Variants in USP26 observed in about 807,000 individuals in gnomAD.
USP26 encodes the protein ubiquitin specific peptidase 26, also known as ubiquitin carboxyl-terminal hydrolase 26.
For synonymous variants in USP26, 236 were observed against 240.6 expected (o/e 0.98, Z 0.18); for missense variants, 649 against 642.3 (o/e 1.01, Z -0.11).
intron 5 of USP26, among the ~76,000 whole-genome samples, chrX:133,036,113 T>TA (rs1226652607): frequency 6.7e-5 from 6 of 89,157 alleles, no homozygotes; most frequent in Non-Finnish European, 1.5e-4. Flanking sequence ...CAAGACCCTC[T>TA]AAAAAAAATT....
At chrX:133,059,951 G>C (rs1466594264) in intron 5 of USP26, among the ~76,000 whole-genome samples, 1 of 112,148 alleles carries the variant, frequency 8.9e-6, no homozygotes, top group Non-Finnish European at 1.9e-5. Context: ...CTATGGTTCT[G>C]CTCTGTTGAA....
chrX:133,030,096 T>C (rs2067370834), intron 5 of USP26, among the ~76,000 whole-genome samples: 1 of 112,048 alleles, frequency 8.9e-6, no homozygotes, highest in Admixed American at 9.5e-5. Flanking sequence ...AACTTCAGCA[T>C]TCCTCCTCCT....
At chrX:133,051,199 G>A (rs2067457828) in intron 5 of USP26, among the ~76,000 whole-genome samples, 1 of 111,407 alleles carries the variant, frequency 9.0e-6, no homozygotes, top group Non-Finnish European at 1.9e-5. Flanking sequence ...TTGTTGGCCT[G>A]ATAAAGACAG....
At position 133,028,242 on chromosome X, in the gene USP26, T is replaced by C; in HGVS notation, c.-22A>G. The C allele has an allele frequency of 8.3e-7, 1 of 1,208,400 alleles. No homozygotes were observed. Among genetic ancestry groups the C allele is most frequent in the Non-Finnish European group, 1.1e-6 (1 of 892,793 alleles). ...CCATGTTTTCTTTACAAATAAAATA[T>C]ACGTATCTCCGATTATTGATAATCT... On this transcript the variant is annotated 5_prime_UTR_variant, in exon 6 of 6. Coordinates refer to ENST00000511190, the MANE Select transcript of USP26 (RefSeq NM_031907.3).
At chrX:133,059,274 T>C (rs764841398) in intron 5 of USP26, among the ~76,000 whole-genome samples, 5 of 111,668 alleles carry the variant, frequency 4.5e-5, no homozygotes, top group African/African-American at 1.6e-4. Flanking sequence ...TCAATCATTT[T>C]ATTGTAACAG....
intron 5 of USP26, among the ~76,000 whole-genome samples, chrX:133,053,266 G>T (rs766046366): frequency 5.7e-4 from 64 of 112,020 alleles, no homozygotes; most frequent in Non-Finnish European, 9.0e-4. Context: ...GGGCTGGCGT[G>T]GTTGCTCACA....
chrX:133,026,077 T>C lies in USP26; in HGVS notation c.2144A>G (p.Asn715Ser). The C allele has an allele frequency of 8.3e-7, 1 of 1,210,722 alleles. No homozygotes were observed. The highest frequency in any genetic ancestry group is 3.0e-5 in the East Asian group (1 of 33,788). The change falls in exon 6 of 6, where the codon AAT becomes AGT. Residue 715 changes from asparagine (N) to serine (S), a missense_variant. Asn to Ser is a conservative substitution (Grantham distance 46). Transcript: ENST00000511190. ...SKFVAFDRII[N>S]PTKDLYEDKN... is the part of the protein sequence containing the mutation. The stretch of plus-strand genomic sequence containing the variant: ...ATCTTCATACAAATCTTTAGTAGGA[T>C]TGATAATCCTATCAAAAGCTACAAA...
chrX:133,082,443 G>A (rs372572430), intron 5 of USP26, among the ~76,000 whole-genome samples: 6 of 111,704 alleles, frequency 5.4e-5, no homozygotes, highest in East Asian at 2.8e-4. Context: ...TTTTCTGAGC[G>A]GTTTTCAGTA....
intron 5 of USP26, among the ~76,000 whole-genome samples, chrX:133,078,260 G>A (rs1602988057): frequency 9.0e-6 from 1 of 111,379 alleles, no homozygotes; most frequent in Admixed American, 9.6e-5. Context: ...AGAACTCTGA[G>A]TGCAAATAAG....
intron 5 of USP26, among the ~76,000 whole-genome samples, chrX:133,053,559 A>G (rs2067466647): frequency 9.1e-6 from 1 of 110,459 alleles, no homozygotes; most frequent in Admixed American, 9.7e-5. Context: ...AAAAAGGAAA[A>G]AAAAAGTATA....
chrX:133,028,039 A>G lies in USP26; in HGVS notation c.182T>C (p.Leu61Pro). 8.3e-7 allele frequency: 1 copy of G among 1,210,780 alleles called. No individual in the cohort carries two copies. The highest frequency in any genetic ancestry group is 1.7e-5 in the African/African-American group (1 of 57,812). ...RLSDNIQNVV[L>P]KSYRGNQNHL... ...ATTTTGGTTTCCTCTATAGGATTTA[A>G]GGACTACATTTTGAATATTATCACT... Residue 61 changes from leucine to proline, a missense_variant, in exon 6 of 6, where the codon CTT (leucine) becomes CCT (proline). Physicochemically the swap from Leu to Pro is moderately conservative, Grantham distance 98 (BLOSUM62 -3). Transcript: ENST00000511190.
At chrX:133,044,682 G>A (rs2067432212) in intron 5 of USP26, among the ~76,000 whole-genome samples, 1 of 113,192 alleles carries the variant, frequency 8.8e-6, no homozygotes, top group Non-Finnish European at 1.9e-5. Flanking sequence ...GGGCTCCTGT[G>A]TGGCCCAAGC....
In USP26 at chrX:133,036,288, A is replaced by T. The variant is rs150905086; in HGVS notation, c.-76-7992T>A. On this transcript the variant is annotated intron_variant, in intron 5 of 5. Transcript: ENST00000511190. ...CCATCATCTAGGTTTTAAGCTCCAT[A>T]TGCATTAGGTATTTCTCCTAATGCT... Among the ~76,000 whole-genome samples, 656 of 109,650 alleles carry T rather than the reference A, an allele frequency of 6.0e-3. 2 individuals carry two copies. Among genetic ancestry groups the T allele is most frequent in the African/African-American group, 0.021 (625 of 30,172 alleles).
chrX:133,088,236 C>A (rs2067596224), intron 4 of USP26, among the ~76,000 whole-genome samples: 2 of 111,030 alleles, frequency 1.8e-5, no homozygotes, highest in African/African-American at 3.3e-5. Context: ...GCAGCAGTCC[C>A]CAACCTTGTT....
Position 133,026,444 on chromosome X carries a change from C to T in USP26, c.1777G>A (p.Glu593Lys), listed in dbSNP as rs755373955. The T allele has an allele frequency of 8.3e-7, 1 of 1,208,493 alleles. No homozygotes were observed. The highest frequency in any genetic ancestry group is 1.1e-6 in the Non-Finnish European group (1 of 894,750). Residue 593 changes from glutamate (E) to lysine (K), a missense_variant, in exon 6 of 6, where the codon GAA becomes AAA. Coordinates refer to ENST00000511190, the MANE Select transcript of USP26 (RefSeq NM_031907.3). ...TGTGGAGCCAGGATATCTTTGGATT[C>T]CTTTGTTGCAGGCCATGATACACTG... ...NISVSWPATK[E>K]SKDILAPHIG...
chrX:133,040,480 G>GT (rs1475083974), intron 5 of USP26, among the ~76,000 whole-genome samples: 1 of 111,570 alleles, frequency 9.0e-6, no homozygotes, highest in Non-Finnish European at 1.9e-5. Context: ...GAAATTCTGG[G>GT]TTGAAAGTTC....
At chrX:133,087,143 C>G (rs1479136949) in intron 4 of USP26, among the ~76,000 whole-genome samples, 1 of 110,766 alleles carries the variant, frequency 9.0e-6, no homozygotes, top group Admixed American at 9.7e-5. Flanking sequence ...GAAATATACG[C>G]CATGGAGACC....
chrX:133,042,094 T>C, intron 5 of USP26, among the ~76,000 whole-genome samples: 1 of 112,189 alleles, frequency 8.9e-6, no homozygotes, highest in Non-Finnish European at 1.9e-5. Flanking sequence ...GACTTCAGAC[T>C]GCTGTGCTGG....
intron 1 of USP26, among the ~76,000 whole-genome samples, chrX:133,096,047 ATTTTTTTTTTTTTTTTT>A (rs779131148): frequency 1.4e-4 from 5 of 36,538 alleles, no homozygotes; most frequent in East Asian, 1.1e-3. Flanking sequence ...GCCCGGCCTA[ATTTTTTTTTTTTTTTTT>A]TTTTTTTTTT....
Sources: allele counts gnomAD v4.1 joint callset (sites outside exome capture counted in the v4.1 genomes callset), GRCh38; gene constraint gnomAD v4.1.1; transcripts MANE v1.5; gene names NCBI Gene and HGNC (gene_info 2026-07-23, HGNC 2026-07-21).